Variants in INF2 observed in about 807,000 individuals in gnomAD.
The protein encoded by INF2 is inverted formin-2.
Under a neutral mutation model 123.5 loss-of-function variants are expected in INF2, and 43 were observed. The ratio of observed to expected loss-of-function variants is 0.35; its 90% CI spans 0.27 to 0.45. The LOEUF (loss-of-function observed/expected upper bound fraction) is 0.45, where lower values mean the gene tolerates loss of function less well. INF2 is among the 20% of genes least tolerant of loss of function. INF2 has a pLI of 1.00. For missense variants in INF2, 1,453 were observed against 1,682.7 expected, an observed-to-expected ratio of 0.86 and a Z score of 2.39; for synonymous variants, 851 against 745.0, an observed-to-expected ratio of 1.14 and a Z score of -2.32.
intron 2 of INF2, 95 bp from the exon 3 acceptor site, chr14:104,703,010 C>A: frequency 9.7e-7 from 1 of 1,026,704 alleles, no homozygotes; most frequent in South Asian, 1.3e-5. Context: ...CTGGCGTCTG[C>A]CTGCCAGGCC....
intron 22 of INF2, among the ~76,000 whole-genome samples, chr14:104,717,354 G>A (rs1434480876): frequency 7.5e-5 from 11 of 146,448 alleles, no homozygotes; most frequent in Admixed American, 5.5e-4. Context: ...GGCAGGGTGC[G>A]CTGCCGTCCT....
Position 104,703,196 on chromosome 14 carries a change from C to A in INF2, c.483C>A (p.Thr161=). ...CIYSPEGHVL[T]LDALDHYKTV... is the part of the protein sequence containing the mutation. The stretch of plus-strand genomic sequence containing the variant: ...ACTCTCCCGAGGGCCACGTGCTGAC[C>A]CTGGACGCCCTGGACCACTACAAGG... The change falls in exon 3 of 23, where the codon ACC becomes ACA. Residue 161 remains threonine (T), a synonymous_variant. Coordinates refer to ENST00000392634, the MANE Select transcript of INF2 (RefSeq NM_022489.4). 1 of 1,613,406 alleles carries A rather than the reference C, an allele frequency of 6.2e-7. No individual in the cohort carries two copies. The highest frequency in any genetic ancestry group is 1.7e-5 in the Admixed American group (1 of 60,026).
At chr14:104,681,842 C>T (rs142020671) in intron 1 of INF2, among the ~76,000 whole-genome samples, 6 of 152,368 alleles carry the variant, frequency 3.9e-5, no homozygotes, top group South Asian at 2.1e-4. Context: ...TGGCCACACC[C>T]GGCCTGGACG....
Position 104,710,921 on chromosome 14 carries a change from C to T in INF2, c.2240-16C>T, listed in dbSNP as rs776779300. 6.2e-6 allele frequency: 10 copies of T among 1,611,190 alleles called. No individual in the cohort carries two copies. The highest frequency in any genetic ancestry group is 8.5e-6 in the Non-Finnish European group (10 of 1,179,114). ...CCGAACCAAGAGCCCCTCTCCAGCC[C>T]TGGCTGCCCCTGCAGGCCTGCTCAC... On this transcript the variant is annotated splice_polypyrimidine_tract_variant and intron_variant, in intron 13 of 22. Transcript: ENST00000392634.
rs1889940036 is a variant in INF2 at position 104,709,440 on chromosome 14, G to C, written c.2052+57G>C. On this transcript the variant is annotated intron_variant, in intron 11 of 22. Transcript: ENST00000392634. ...GTTAGTGCCACCAACCAAGGGAGAG[G>C]CTGTCCCGGGGGCTCCCAGCAGGGA... 8.4e-6 allele frequency: 12 copies of C among 1,431,474 alleles called. No homozygotes were observed. In the South Asian group the frequency reaches 1.1e-4, roughly 14 times the overall value. 88.7% of individuals were successfully genotyped at this position (1,431,474 alleles called of 1,614,324 possible).
rs77433317 is a variant in INF2 at position 104,697,501 on chromosome 14, T to A, written c.-9-3856T>A. The stretch of plus-strand genomic sequence containing the variant: ...CAGGGGCTAGGCACATGGCTGCAGG[T>A]CTAGTGAAGGCCAGCATGGCCCTGT... On this transcript the variant is annotated intron_variant, in intron 1 of 22. Coordinates refer to ENST00000392634, the MANE Select transcript of INF2 (RefSeq NM_022489.4). Among the ~76,000 whole-genome samples the A allele has an allele frequency of 1.7e-3, 253 of 152,314 alleles. 4 individuals carry two copies. The East Asian group carries it at 0.047, about 28-fold the overall frequency.
At chr14:104,711,215 G>A in intron 15 of INF2, 29 bp downstream of exon 15, 1 of 1,527,412 alleles carries the variant, frequency 6.5e-7, no homozygotes, top group Non-Finnish European at 8.9e-7. Flanking sequence ...GGCATAATGG[G>A]AGGGCTTCAA....
chr14:104,701,404 G>A lies in INF2; in HGVS notation c.39G>A (p.Ala13=). 1 of 1,593,640 alleles carries A rather than the reference G, an allele frequency of 6.3e-7. No homozygotes were observed. Among genetic ancestry groups the A allele is most frequent in the Non-Finnish European group, 8.5e-7 (1 of 1,169,734 alleles). The change falls in exon 2 of 23, where the codon GCG becomes GCA. Residue 13 remains alanine (A), a synonymous_variant. Transcript: ENST00000392634. The stretch of plus-strand genomic sequence containing the variant: ...AGGGCGCACAGCGCAAGTGGGCAGC[G>A]CTGAAGGAGAAGCTGGGGCCACAGG... ...VKEGAQRKWA[A]LKEKLGPQDS... is the part of the protein sequence containing the mutation.
intron 16 of INF2, among the ~76,000 whole-genome samples, chr14:104,712,017 C>T (rs1230587217): frequency 6.6e-6 from 1 of 152,272 alleles, no homozygotes; most frequent in East Asian, 1.9e-4. Context: ...GCTCGGGCCT[C>T]CCTCATTGTA....
upstream of INF2, chr14:104,689,300 G>A: frequency 1.0e-6 from 1 of 968,934 alleles, no homozygotes; most frequent in Non-Finnish European, 1.2e-6. Flanking sequence ...TAGGTGGACG[G>A]GAGGCGGTGG....
In INF2 at chr14:104,707,525, A is replaced by ACCCCCCCCCCCCCCCCCCCCCC; in HGVS notation, c.1262_1263insCCCCCCCCCCCCCCCCCCCCCC (p.Leu429ThrfsTer31). Reference sequence around the variant, plus strand: ...CAGAGCCCTGGAGCAGCAGGCGTCCACCCCACCCCCACCCCCACCCCCACC... The same window carrying ACCCCCCCCCCCCCCCCCCCCCC: ...CAGAGCCCTGGAGCAGCAGGCGTCCACCCCCCCCCCCCCCCCCCCCCCCCCCACCCCCACCCCCACCCCCACC... On this transcript the variant is annotated frameshift_variant, in exon 8 of 23. Transcript: ENST00000392634. LOFTEE classifies it high-confidence loss of function. 1.5e-6 allele frequency: 2 copies of ACCCCCCCCCCCCCCCCCCCCCC among 1,379,212 alleles called. No homozygotes were observed. Among genetic ancestry groups the ACCCCCCCCCCCCCCCCCCCCCC allele is most frequent in the South Asian group, 1.2e-5 (1 of 80,586 alleles). 85.4% of individuals were successfully genotyped at this position (1,379,212 alleles called of 1,614,324 possible).
intron 20 of INF2, 76 bp from the exon 21 acceptor site, chr14:104,714,127 C>T (rs1031431400): frequency 1.2e-5 from 16 of 1,285,842 alleles, no homozygotes; most frequent in Admixed American, 2.8e-5. Flanking sequence ...AGGTAGACAG[C>T]GGAATGGAGG....
chr14:104,719,711 TGAG>T lies in INF2; in HGVS notation c.*920_*922del, dbSNP rs1192972923. The T allele has an allele frequency of 1.4e-5, 2 of 142,718 alleles. No homozygotes were observed. Among genetic ancestry groups the T allele is most frequent in the Non-Finnish European group, 2.9e-5 (2 of 68,030 alleles). 8.8% of individuals were successfully genotyped at this position (142,718 alleles called of 1,614,324 possible). A position where few individuals can be genotyped will look rare whatever the true frequency, so the allele number is the denominator to read the frequency against. ...CAGGCCCCGTGTGAACACTCACTGT[TGAG>T]GGGCCCCCAGGCCCCGTGTGAACAC... On this transcript the variant is annotated 3_prime_UTR_variant, in exon 23 of 23. Coordinates refer to ENST00000392634, the MANE Select transcript of INF2 (RefSeq NM_022489.4).
chr14:104,707,669 G>A lies in INF2; in HGVS notation c.1402G>A (p.Ala468Thr), dbSNP rs1188304798. Residue 468 changes from alanine to threonine, a missense_variant, in exon 8 of 23, where the codon GCC (alanine) becomes ACC (threonine). Physicochemically the swap from Ala to Thr is moderately conservative, Grantham distance 58 (BLOSUM62 0). This residue lies in a region of INF2 where 374 missense variants were observed against 303.7 expected (regional missense o/e 1.23). Transcript: ENST00000392634. ...GCCCCCACCCCTGCCAGGCCTGGGG[G>A]CCATGGCCCCCCCAGCACCTCCTCT... ...PPPPPLPGLG[A>T]MAPPAPPLPP... The A allele has an allele frequency of 5.0e-6, 5 of 1,009,408 alleles. No homozygotes were observed. The Admixed American group carries it at 8.5e-5, about 17-fold the overall frequency. The allele number at this position is 1,009,408 out of a possible 1,614,324, so 62.5% of individuals were successfully genotyped here.
chr14:104,681,641 G>A lies in INF2; in HGVS notation c.-104+59G>A, dbSNP rs979894127. 17 of 1,264,114 alleles carry A rather than the reference G, an allele frequency of 1.3e-5. No homozygotes were observed. The Admixed American group carries it at 2.3e-4, about 17-fold the overall frequency. 78.3% of individuals were successfully genotyped at this position (1,264,114 alleles called of 1,614,324 possible). On this transcript the variant is annotated intron_variant, in intron 1 of 2. Transcript: ENST00000674723. ...GTAGCCGAGAAAGCAGAGCAGACAC[G>A]GGGGCGGAGAGGTGGCTGCAAGCAT...
upstream of INF2, among the ~76,000 whole-genome samples, chr14:104,686,044 C>A (rs1352216066): frequency 4.3e-5 from 4 of 94,062 alleles, no homozygotes; most frequent in South Asian, 3.9e-4. Context: ...GGTGGATGGA[C>A]AAATAGATGG....
chr14:104,715,817 TG>T, intron 22 of INF2: 1 of 462,516 alleles, frequency 2.2e-6, no homozygotes. Flanking sequence ...TGGGGCCTTC[TG>T]GGGCATGTCC....
chr14:104,713,147 G>A (rs1354362913), intron 18 of INF2, 60 bp from the exon 19 acceptor site: 4 of 1,587,924 alleles, frequency 2.5e-6, no homozygotes, highest in Non-Finnish European at 2.6e-6. Flanking sequence ...GGACGCCCAG[G>A]CCCATGGAGC....
chr14:104,703,215 T>C lies in INF2; in HGVS notation c.502T>C (p.Tyr168His). Residue 168 changes from tyrosine to histidine, a missense_variant, in exon 3 of 23, where the codon TAC becomes CAC. Tyr to His is a moderately conservative substitution (Grantham distance 83). Coordinates refer to ENST00000392634, the MANE Select transcript of INF2 (RefSeq NM_022489.4). ...GCTGACCCTGGACGCCCTGGACCAC[T>C]ACAAGGTGGGCGGCAGGGCCTGGGC... ...HVLTLDALDH[Y>H]KTVCSQQYRF... 1 of 1,613,282 alleles carries C rather than the reference T, an allele frequency of 6.2e-7. No homozygotes were observed. The highest frequency in any genetic ancestry group is 8.5e-7 in the Non-Finnish European group (1 of 1,179,884).
Sources: gnomAD v4.1 joint callset for allele counts (sites outside exome capture counted in the v4.1 genomes callset) on GRCh38, gnomAD v4.1.1 for gene constraint, gnomAD v4.1.1 regional missense constraint, MANE v1.5 for transcripts, NCBI Gene and HGNC (gene_info 2026-07-23, HGNC 2026-07-21) for gene names.